Variants in CTNNA2 observed in about 807,000 individuals in gnomAD.
CTNNA2 encodes catenin alpha-2.
In CTNNA2, 42 loss-of-function variants were observed where a neutral mutation model predicts 101.0. The ratio of observed to expected loss-of-function variants is 0.42; its 90% CI spans 0.32 to 0.54. The LOEUF is 0.54. Among genes scored for constraint, CTNNA2 ranks in the 20% least tolerant of loss-of-function variants. The pLI, the probability that CTNNA2 is intolerant of heterozygous loss-of-function variation, is 0.14. For synonymous variants in CTNNA2, 450 were observed against 456.4 expected (o/e 0.99, Z 0.18); for missense variants, 871 against 1,223.1 (o/e 0.71, Z 4.29).
intron 7 of CTNNA2, among the ~76,000 whole-genome samples, chr2:80,354,810 T>C (rs955245999): frequency 6.6e-6 from 1 of 152,080 alleles, no homozygotes; most frequent in Non-Finnish European, 1.5e-5. Flanking sequence ...TCTGGGCCCA[T>C]ACTCTGGCAG....
chr2:79,898,769 C>G (rs1425600246), intron 6 of CTNNA2, among the ~76,000 whole-genome samples: 1 of 151,946 alleles, frequency 6.6e-6, no homozygotes, highest in African/African-American at 2.4e-5. Flanking sequence ...TGGCAGAACT[C>G]CCAACAGATC....
intron 7 of CTNNA2, among the ~76,000 whole-genome samples, chr2:80,351,052 A>G (rs1361055631): frequency 6.6e-6 from 1 of 152,204 alleles, no homozygotes; most frequent in African/African-American, 2.4e-5. Flanking sequence ...ATGAGCTCTA[A>G]CAGTCACTTA....
At chr2:80,491,629 T>A (rs1462432966) in intron 9 of CTNNA2, among the ~76,000 whole-genome samples, 2 of 152,164 alleles carry the variant, frequency 1.3e-5, no homozygotes, top group Non-Finnish European at 2.9e-5. Flanking sequence ...TTCCAGGGCA[T>A]TTTATTGAGC....
At chr2:79,814,774 T>A (rs1677348232) in intron 3 of CTNNA2, among the ~76,000 whole-genome samples, 1 of 152,148 alleles carries the variant, frequency 6.6e-6, no homozygotes, top group Non-Finnish European at 1.5e-5. Context: ...ACTGGCCTCT[T>A]TTCCTCTGGG....
chr2:80,501,717 T>C (rs1276283231), intron 9 of CTNNA2, among the ~76,000 whole-genome samples: 1 of 152,140 alleles, frequency 6.6e-6, no homozygotes, highest in African/African-American at 2.4e-5. Flanking sequence ...AAATTGGATA[T>C]GCGGGGAAAG....
At chr2:80,056,987 G>A (rs1236640634) in intron 7 of CTNNA2, among the ~76,000 whole-genome samples, 1 of 152,148 alleles carries the variant, frequency 6.6e-6, no homozygotes, top group Non-Finnish European at 1.5e-5. Flanking sequence ...AGTTGTATGA[G>A]AATTTGAATT....
chr2:80,447,632 T>A (rs1187048859), intron 9 of CTNNA2, among the ~76,000 whole-genome samples: 1 of 152,190 alleles, frequency 6.6e-6, no homozygotes, highest in Non-Finnish European at 1.5e-5. Flanking sequence ...CTCCTTTCCT[T>A]CCTCTTATCT....
intron 7 of CTNNA2, among the ~76,000 whole-genome samples, chr2:80,082,952 T>C (rs1488392987): frequency 6.6e-6 from 1 of 152,150 alleles, no homozygotes; most frequent in African/African-American, 2.4e-5. Flanking sequence ...TATTGAATTG[T>C]ATTACAATTA....
In CTNNA2 at chr2:80,358,970, T is replaced by C. The variant is rs933027161; in HGVS notation, c.1057-34241T>C. Among the ~76,000 whole-genome samples the C allele has an allele frequency of 3.9e-5, 6 of 152,076 alleles. No individual in the cohort carries two copies. The South Asian group carries it at 6.2e-4, about 16-fold the overall frequency. ...GCATTGGGGTTTCCATTCTATCCTA[T>C]CACAGAAATTGATTCTAAAGCAATA... On this transcript the variant is annotated intron_variant, in intron 7 of 18. Transcript: ENST00000402739.
intron 2 of CTNNA2, among the ~76,000 whole-genome samples, chr2:79,261,140 C>A (rs147513397): frequency 1.1e-3 from 166 of 152,218 alleles, no homozygotes; most frequent in African/African-American, 3.8e-3. Flanking sequence ...TCAGAAGCTA[C>A]CAAAGAAGAA....
chr2:80,556,444 A>C (rs982497042), intron 12 of CTNNA2, among the ~76,000 whole-genome samples: 6 of 152,190 alleles, frequency 3.9e-5, no homozygotes, highest in Admixed American at 2.6e-4. Flanking sequence ...ACAAAGAGTT[A>C]GGCTTTCAGC....
chr2:79,954,478 T>C (rs144104802), intron 7 of CTNNA2, among the ~76,000 whole-genome samples: 92 of 152,348 alleles, frequency 6.0e-4, no homozygotes, highest in African/African-American at 2.0e-3. Flanking sequence ...GTTACAGATG[T>C]TGCTGTCATA....
At position 80,368,837 on chromosome 2, in the gene CTNNA2, G is replaced by T. The variant is rs567268855; in HGVS notation, c.1057-24374G>T. 5.2e-4 allele frequency among the ~76,000 whole-genome samples: 71 copies of T among 136,748 alleles called. 1 individual carries two copies. The highest frequency in any genetic ancestry group is 9.1e-4 in the Non-Finnish European group (61 of 66,970). 89.7% of individuals were successfully genotyped at this position (136,748 alleles called of 152,430 possible). A position where few individuals can be genotyped will look rare whatever the true frequency, so the allele number is the denominator to read the frequency against. On this transcript the variant is annotated intron_variant, in intron 7 of 18. Coordinates refer to ENST00000402739, the MANE Select transcript of CTNNA2 (RefSeq NM_001282597.3). The stretch of plus-strand genomic sequence containing the variant: ...ACAGTATGTGTATATATATATGTGT[G>T]TGTGTATATATGTGTGTGTGTGTGT...
At chr2:80,277,261 G>T (rs1257794511) in intron 7 of CTNNA2, among the ~76,000 whole-genome samples, 2 of 152,144 alleles carry the variant, frequency 1.3e-5, no homozygotes, top group Non-Finnish European at 2.9e-5. Flanking sequence ...CAATGTGTTT[G>T]TCAGTCAGGA....
chr2:80,365,404 A>G (rs1674823302), intron 7 of CTNNA2, among the ~76,000 whole-genome samples: 1 of 152,116 alleles, frequency 6.6e-6, no homozygotes, highest in Non-Finnish European at 1.5e-5. Flanking sequence ...AAGGTTGTAA[A>G]ATCTTGTTTT....
At chr2:80,027,997 A>G (rs994498479) in intron 7 of CTNNA2, 3 of 151,176 alleles carry the variant, frequency 2.0e-5, no homozygotes, top group African/African-American at 7.3e-5. Context: ...AAAAAAAAAA[A>G]AAAAGTAAAA....
At chr2:79,843,071 G>T (rs1222776648) in intron 3 of CTNNA2, among the ~76,000 whole-genome samples, 1 of 152,180 alleles carries the variant, frequency 6.6e-6, no homozygotes, top group Non-Finnish European at 1.5e-5. Flanking sequence ...AATCTCAATT[G>T]TAATTTAAAT....
intron 9 of CTNNA2, among the ~76,000 whole-genome samples, chr2:80,473,710 A>G (rs1685495822): frequency 6.6e-6 from 1 of 152,200 alleles, no homozygotes; most frequent in Non-Finnish European, 1.5e-5. Context: ...ACAGAAAAAT[A>G]TTCAGTCTTA....
intron 9 of CTNNA2, among the ~76,000 whole-genome samples, chr2:80,465,525 A>G (rs954351813): frequency 2.6e-5 from 4 of 152,148 alleles, no homozygotes; most frequent in South Asian, 4.1e-4. Flanking sequence ...GAATGCTTGA[A>G]GAAGGCCACA....
Sources: allele counts gnomAD v4.1 joint callset (sites outside exome capture counted in the v4.1 genomes callset), GRCh38; gene constraint gnomAD v4.1.1; transcripts MANE v1.5; gene names NCBI Gene and HGNC (gene_info 2026-07-23, HGNC 2026-07-21).